The following PLCE1 variants were observed in gnomAD, a reference collection of about 807,000 sequenced individuals.
PLCE1 encodes the protein phospholipase C epsilon 1, also known as 1-phosphatidylinositol 4,5-bisphosphate phosphodiesterase epsilon-1.
In PLCE1, 119 loss-of-function variants were observed where a neutral mutation model predicts 242.8. That is an observed-to-expected ratio of 0.49 (90% CI 0.42 to 0.57). The LOEUF is 0.57. PLCE1 is among the 20% of genes least tolerant of loss of function. The pLI is 0.00. For synonymous variants in PLCE1, 945 were observed against 1,017.4 expected (o/e 0.93, Z 1.35); for missense variants, 2,441 against 2,788.8 (o/e 0.88, Z 2.81).
rs535874915 is a variant in PLCE1 at position 94,109,087 on chromosome 10, A to G, written c.1207-23087A>G. ...TTTTACCATTTCCTGCCATCTTTTG[A>G]GTTTTTGTATCTAGATATATTGGCC... On this transcript the variant is annotated intron_variant, in intron 2 of 32. Coordinates refer to ENST00000371380, the MANE Select transcript of PLCE1 (RefSeq NM_016341.4). 4.6e-5 allele frequency: 7 copies of G among 152,146 alleles called. No individual in the cohort carries two copies. The South Asian group carries it at 1.5e-3, about 32-fold the overall frequency. The allele number at this position is 152,146 out of a possible 1,614,324, so 9.4% of individuals were successfully genotyped here. A position where few individuals can be genotyped will look rare whatever the true frequency, so the allele number is the denominator to read the frequency against.
At chr10:94,098,958 C>G (rs891595562) in intron 2 of PLCE1, among the ~76,000 whole-genome samples, 1 of 152,138 alleles carries the variant, frequency 6.6e-6, no homozygotes, top group East Asian at 1.9e-4. Flanking sequence ...GAGCACAGCA[C>G]GTGTGAGGCT....
rs549120545 is a variant in PLCE1 at position 94,204,529 on chromosome 10, G to A, written c.1810-22777G>A. Among the ~76,000 whole-genome samples the A allele has an allele frequency of 1.3e-4, 20 of 152,152 alleles. No homozygotes were observed. In the South Asian group the frequency reaches 1.5e-3, roughly 11 times the overall value. On this transcript the variant is annotated intron_variant, in intron 4 of 32. Coordinates refer to ENST00000371380, the MANE Select transcript of PLCE1 (RefSeq NM_016341.4). ...TAAAAATACAAAAAATTAGCCAGGCGTGGTGGCAGGCGCCTGTAATCCCAG... is the reference window on the plus strand; with the variant it reads ...TAAAAATACAAAAAATTAGCCAGGCATGGTGGCAGGCGCCTGTAATCCCAG...
rs112610337 is a variant in PLCE1 at position 94,046,860 on chromosome 10, A to T, written c.1206+14608A>T. Among the ~76,000 whole-genome samples, 1,000 of 152,330 alleles carry T rather than the reference A, an allele frequency of 6.6e-3. 14 individuals carry two copies. Among genetic ancestry groups the T allele is most frequent in the African/African-American group, 0.023 (957 of 41,568 alleles). On this transcript the variant is annotated intron_variant, in intron 2 of 32. Transcript: ENST00000371380. ...CCTACCTCTTAGAGTTGTTGTAAAG[A>T]TTAGTAGACTTTTATACGTTGAATG... is the stretch of plus-strand genomic sequence containing the variant.
intron 22 of PLCE1, among the ~76,000 whole-genome samples, chr10:94,290,107 A>G (rs889526763): frequency 6.6e-6 from 1 of 152,028 alleles, no homozygotes; most frequent in Non-Finnish European, 1.5e-5. Flanking sequence ...GCTCACCGTA[A>G]CCTTGAACTC....
At chr10:94,205,687 G>A (rs1018388831) in intron 4 of PLCE1, among the ~76,000 whole-genome samples, 1 of 152,202 alleles carries the variant, frequency 6.6e-6, no homozygotes, top group South Asian at 2.1e-4. Flanking sequence ...TCCAGGATGA[G>A]CAGCCCCAAA....
In PLCE1 at chr10:94,304,539, T is replaced by C; in HGVS notation, c.5516T>C (p.Val1839Ala). 1 of 1,613,932 alleles carries C rather than the reference T, an allele frequency of 6.2e-7. No individual in the cohort carries two copies. Among genetic ancestry groups the C allele is most frequent in the Non-Finnish European group, 8.5e-7 (1 of 1,179,784 alleles). ...MFEANGGCGY[V>A]LKPPVLWDKN... ...GAGGCAAATGGTGGTTGTGGTTATGTATTGAAACCTCCAGTTCTGTGGGAC... is the reference window on the plus strand; with the variant it reads ...GAGGCAAATGGTGGTTGTGGTTATGCATTGAAACCTCCAGTTCTGTGGGAC... The change falls in exon 25 of 33, where the codon GTA becomes GCA. Residue 1839 changes from valine to alanine, a missense_variant. Around this residue, in one of 5 missense-constraint regions of PLCE1, gnomAD observed 1,004 missense variants for 1,322.7 expected, o/e 0.76. Transcript: ENST00000371380.
chr10:94,052,457 G>A (rs1028967803), intron 2 of PLCE1, among the ~76,000 whole-genome samples: 12 of 152,322 alleles, frequency 7.9e-5, no homozygotes, highest in African/African-American at 2.9e-4. Context: ...TGTATTGCCT[G>A]ACTGTAAAAT....
In PLCE1 at chr10:94,265,844, G is replaced by A. The variant is rs1422329310; in HGVS notation, c.4167G>A (p.Glu1389=). Residue 1389 remains glutamate, a synonymous_variant, in exon 16 of 33, where the codon GAG becomes GAA. Transcript: ENST00000371380. ...NFASKNDESQ[E]NIKELQLPLS... is the part of the protein sequence containing the mutation. ...CCTCAAAAAATGATGAGTCACAGGA[G>A]AACATTAAAGAACTGCAGCTACCCC... 4 of 1,613,996 alleles carry A rather than the reference G, an allele frequency of 2.5e-6. No homozygotes were observed. The highest frequency in any genetic ancestry group is 3.4e-6 in the Non-Finnish European group (4 of 1,179,962).
At chr10:94,175,623 A>G (rs951502303) in intron 4 of PLCE1, among the ~76,000 whole-genome samples, 2 of 152,102 alleles carry the variant, frequency 1.3e-5, no homozygotes, top group Non-Finnish European at 2.9e-5. Context: ...ATTATTGACT[A>G]TATCACTCTT....
At chr10:94,177,804 A>T (rs185968282) in intron 4 of PLCE1, among the ~76,000 whole-genome samples, 1 of 152,326 alleles carries the variant, frequency 6.6e-6, no homozygotes, top group Admixed American at 6.5e-5. Flanking sequence ...TTTTATAGAC[A>T]ATTTTACCAA....
intron 7 of PLCE1, among the ~76,000 whole-genome samples, chr10:94,239,170 C>A (rs1408702351): frequency 6.6e-6 from 1 of 152,180 alleles, no homozygotes; most frequent in African/African-American, 2.4e-5. Flanking sequence ...CCTTAAAATA[C>A]CAAGCTGAAG....
At chr10:94,246,691 C>T (rs548870335) in intron 8 of PLCE1, 70 bp downstream of exon 8, 2 of 1,405,254 alleles carry the variant, frequency 1.4e-6, no homozygotes, top group South Asian at 1.2e-5. Flanking sequence ...GTGACCAGAC[C>T]ACCAGGTTCA....
At chr10:94,069,986 A>G (rs553904810) in intron 2 of PLCE1, among the ~76,000 whole-genome samples, 9 of 152,296 alleles carry the variant, frequency 5.9e-5, no homozygotes, top group Admixed American at 5.2e-4. Context: ...ATAGGGAAAG[A>G]GGAATTTCTC....
chr10:94,132,758 G>C (rs1251492089), intron 3 of PLCE1, among the ~76,000 whole-genome samples: 1 of 151,958 alleles, frequency 6.6e-6, no homozygotes, highest in Admixed American at 6.6e-5. Context: ...AGACCATCCT[G>C]GCCAACACGG....
chr10:94,013,674 G>C lies in PLCE1; in HGVS notation c.-364-17009G>C, dbSNP rs553315897. On this transcript the variant is annotated intron_variant, in intron 1 of 32. Transcript: ENST00000371380. ...AGTTCTAGTCTGGGGAGGCAAACAA[G>C]TTACTAGTGTGCAAATAAGTAATAA... 2.0e-5 allele frequency among the ~76,000 whole-genome samples: 3 copies of C among 152,310 alleles called. No individual in the cohort carries two copies. In the East Asian group the frequency reaches 5.8e-4, roughly 29 times the overall value.
rs560623389 is a variant in PLCE1 at position 94,068,911 on chromosome 10, A to G, written c.1206+36659A>G. Among the ~76,000 whole-genome samples, 10 of 152,328 alleles carry G rather than the reference A, an allele frequency of 6.6e-5. No homozygotes were observed. In the East Asian group the frequency reaches 1.9e-3, roughly 29 times the overall value. On this transcript the variant is annotated intron_variant, in intron 2 of 32. Transcript: ENST00000371380. ...TCCTCTACTCGACCACAAACTCACCAAGGACAGGACGGTATTTTATTTACC... is the reference window on the plus strand; with the variant it reads ...TCCTCTACTCGACCACAAACTCACCGAGGACAGGACGGTATTTTATTTACC...
rs112712074 is a variant in PLCE1 at position 94,298,917 on chromosome 10, A to G, written c.5458+248A>G. 0.017 allele frequency among the ~76,000 whole-genome samples: 2,517 copies of G among 152,272 alleles called. 90 individuals carry two copies. The highest frequency in any genetic ancestry group is 0.058 in the African/African-American group (2,404 of 41,538). On this transcript the variant is annotated intron_variant, in intron 24 of 32. Coordinates refer to ENST00000371380, the MANE Select transcript of PLCE1 (RefSeq NM_016341.4). The surrounding 1 kb of genome is among the most constrained non-coding windows in gnomAD (Gnocchi z 5.2). ...CCTGGTCCTGCCCCTTTTTTAATGC[A>G]GTTTTTCAAATACCAAGCTGCTCTT...
intron 22 of PLCE1, among the ~76,000 whole-genome samples, chr10:94,288,703 G>A (rs1191023932): frequency 6.6e-6 from 1 of 152,102 alleles, no homozygotes; most frequent in African/African-American, 2.4e-5. Flanking sequence ...AGGTGCCCAG[G>A]GATTCCATGG....
chr10:94,017,338 G>C (rs983589197), intron 1 of PLCE1, among the ~76,000 whole-genome samples: 8 of 152,104 alleles, frequency 5.3e-5, no homozygotes, highest in Admixed American at 3.9e-4. Context: ...TTTTCAATTA[G>C]GTAAGAAGTG....
Sources: allele counts gnomAD v4.1 joint callset (sites outside exome capture counted in the v4.1 genomes callset), GRCh38; gene constraint gnomAD v4.1.1; regional missense constraint gnomAD v4.1.1; non-coding constraint Gnocchi (gnomAD v3.1); transcripts MANE v1.5; gene names NCBI Gene and HGNC (gene_info 2026-07-23, HGNC 2026-07-21).